SCUBE2: variants seen among roughly 807,000 people sequenced by gnomAD.
The protein encoded by SCUBE2 is signal peptide, CUB domain and EGF like domain containing 2.
Under a neutral mutation model 125.9 loss-of-function variants are expected in SCUBE2, and 114 were observed. The observed-to-expected ratio is 0.91, with a 90% CI of 0.78 to 1.06. The LOEUF (loss-of-function observed/expected upper bound fraction) is 1.06, where lower values mean the gene tolerates loss of function less well. Ranked by LOEUF, SCUBE2 falls within the 50% of genes least tolerant of loss-of-function variation. The pLI is 0.00. For missense variants in SCUBE2, 1,255 were observed against 1,301.8 expected, an observed-to-expected ratio of 0.96 and a Z score of 0.55; for synonymous variants, 459 against 492.9, an observed-to-expected ratio of 0.93 and a Z score of 0.91.
rs1857655481 is a variant in SCUBE2, at chr11:9,045,650, C to CTGCCT, written c.2002+1705_2002+1706insAGGCA. 2.0e-5 allele frequency among the ~76,000 whole-genome samples: 3 copies of CTGCCT among 146,888 alleles called. No individual in the cohort carries two copies. In the South Asian group the frequency reaches 6.8e-4, roughly 33 times the overall value. Reference sequence around the variant, plus strand: ...ACACACACACACACACACACACACACACACAGCCTTGTCTATGCCACATGC... The same window carrying CTGCCT: ...ACACACACACACACACACACACACACTGCCTACACAGCCTTGTCTATGCCACATGC... On this transcript the variant is annotated intron_variant, in intron 16 of 22. Coordinates refer to ENST00000649792, the MANE Select transcript of SCUBE2 (RefSeq NM_001367977.2).
At position 9,083,473 on chromosome 11, in the gene SCUBE2, A is replaced by C. The variant is rs75941286; in HGVS notation, c.257-3964T>G. ...TCCCGTGTATTAGGACTGAACAAAGAGGTAAACACATTACAGATAATGAGC... is the reference window on the plus strand; with the variant it reads ...TCCCGTGTATTAGGACTGAACAAAGCGGTAAACACATTACAGATAATGAGC... On this transcript the variant is annotated intron_variant, in intron 2 of 22. Transcript: ENST00000649792. Among the ~76,000 whole-genome samples the C allele has an allele frequency of 6.3e-3, 965 of 152,320 alleles. 7 individuals carry two copies. Among genetic ancestry groups the C allele is most frequent in the African/African-American group, 0.022 (917 of 41,562 alleles).
chr11:9,033,719 C>T lies in SCUBE2; in HGVS notation c.2080G>A (p.Glu694Lys), dbSNP rs1856515594. 3 of 1,614,126 alleles carry T rather than the reference C, an allele frequency of 1.9e-6. No homozygotes were observed. The highest frequency in any genetic ancestry group is 4.5e-5 in the East Asian group (2 of 44,882). The change falls in exon 17 of 23, where the codon GAG (glutamate) becomes AAG (lysine). Residue 694 changes from glutamate (E) to lysine (K), a missense_variant. Physicochemically the swap from Glu to Lys is moderately conservative, Grantham distance 56. Around this residue, in one of 3 missense-constraint regions of SCUBE2, gnomAD observed 515 missense variants for 515.7 expected, o/e 1.00. Coordinates refer to ENST00000649792, the MANE Select transcript of SCUBE2 (RefSeq NM_001367977.2). The stretch of plus-strand genomic sequence containing the variant: ...GGTTCACAAGTCATTTGTCCTTCCT[C>T]ATTTTGGAAGGTTCCATTTGGACAT... ...ILCPNGTFQNEEGQMTCEPCP... is the reference protein window; with the variant it reads ...ILCPNGTFQNKEGQMTCEPCP...
chr11:9,048,119 A>G, intron 14 of SCUBE2, 21 bp from the exon 15 acceptor site: 1 of 1,593,100 alleles, frequency 6.3e-7, no homozygotes, highest in African/African-American at 1.4e-5. Context: ...AAACAAAATT[A>G]TCGGAAGCCA....
intron 14 of SCUBE2, 111 bp downstream of exon 14, chr11:9,050,495 T>C (rs779139184): frequency 7.7e-6 from 6 of 783,994 alleles, no homozygotes; most frequent in Non-Finnish European, 1.3e-5. Context: ...ATCTGCAGTG[T>C]GCTTGGATCG....
chr11:9,022,925 A>G (rs1178980369), intron 21 of SCUBE2, among the ~76,000 whole-genome samples: 4 of 152,100 alleles, frequency 2.6e-5, no homozygotes, highest in African/African-American at 9.7e-5. Flanking sequence ...ATCCACCAAG[A>G]AAGACTCTTC....
chr11:9,078,159 C>T (rs1322852323), intron 3 of SCUBE2, among the ~76,000 whole-genome samples: 2 of 152,220 alleles, frequency 1.3e-5, no homozygotes, highest in Non-Finnish European at 2.9e-5. Flanking sequence ...TTCCATTTGT[C>T]TGAGTTTTTA....
intron 4 of SCUBE2, among the ~76,000 whole-genome samples, chr11:9,070,002 T>C (rs979943100): frequency 6.6e-6 from 1 of 152,186 alleles, no homozygotes; most frequent in African/African-American, 2.4e-5. Flanking sequence ...GACTGTGGCA[T>C]TTTGGCATCC....
At position 9,086,849 on chromosome 11, in the gene SCUBE2, T is replaced by A. The variant is rs1862113409; in HGVS notation, c.256+2858A>T. ...GCCTGGGTGACAGAGCAAGACTCTA[T>A]CTCAAAAAAAAAAAAAAAAAAAAAG... On this transcript the variant is annotated intron_variant, in intron 2 of 22. Transcript: ENST00000649792. Among the ~76,000 whole-genome samples the A allele has an allele frequency of 1.7e-4, 8 of 46,916 alleles. No individual in the cohort carries two copies. In the Admixed American group the frequency reaches 2.0e-3, roughly 12 times the overall value. The allele number at this position is 46,916 out of a possible 152,430, so 30.8% of individuals were successfully genotyped here.
In SCUBE2 at chr11:9,089,711, A is replaced by T. The variant is rs1298803441; in HGVS notation, c.252T>A (p.Cys84Ter). 6.2e-7 allele frequency: 1 copy of T among 1,613,620 alleles called. No homozygotes were observed. The highest frequency in any genetic ancestry group is 8.5e-7 in the Non-Finnish European group (1 of 1,179,722). The change falls in exon 2 of 23, where the codon TGT becomes TGA. Residue 84 changes from cysteine (C) to a stop codon, truncating the protein, a stop_gained. Coordinates refer to ENST00000649792, the MANE Select transcript of SCUBE2 (RefSeq NM_001367977.2). LOFTEE classifies it high-confidence loss of function. ...KPGYQGEGRQ[C>*]EDIDECGNEL... ...CATGGTCCCCAAGGCACTTACCCTCACACTGCCTGCCTTCCCCTTGGTAGC... is the reference window on the plus strand; with the variant it reads ...CATGGTCCCCAAGGCACTTACCCTCTCACTGCCTGCCTTCCCCTTGGTAGC...
intron 13 of SCUBE2, among the ~76,000 whole-genome samples, chr11:9,051,287 T>C (rs888285753): frequency 1.3e-5 from 2 of 152,076 alleles, no homozygotes; most frequent in South Asian, 4.1e-4. Flanking sequence ...AAACTGAGGG[T>C]CAAAAATAGC....
chr11:9,089,923 C>G, intron 1 of SCUBE2, 94 bp from the exon 2 acceptor site: 1 of 1,456,308 alleles, frequency 6.9e-7, no homozygotes, highest in Non-Finnish European at 9.2e-7. Context: ...CCAGCCCACC[C>G]CGCTTCACTC....
intron 16 of SCUBE2, among the ~76,000 whole-genome samples, chr11:9,037,953 T>G (rs1204153896): frequency 4.6e-5 from 7 of 152,208 alleles, no homozygotes; most frequent in African/African-American, 1.7e-4. Flanking sequence ...AATTTAAATA[T>G]TTCTCCAAAG....
intron 7 of SCUBE2, among the ~76,000 whole-genome samples, chr11:9,063,085 C>CAA (rs575154426): frequency 9.0e-5 from 13 of 145,036 alleles, no homozygotes; most frequent in African/African-American, 2.8e-4. Context: ...ACTAAAAATA[C>CAA]AAAAAAAAAA....
intron 2 of SCUBE2, among the ~76,000 whole-genome samples, chr11:9,082,738 A>G (rs1172165813): frequency 6.6e-6 from 1 of 152,248 alleles, no homozygotes. Flanking sequence ...CGCATATTGT[A>G]TGATTCCACT....
In SCUBE2 at chr11:9,066,739, G is replaced by A. The variant is rs768167641; in HGVS notation, c.718C>T (p.His240Tyr). The A allele has an allele frequency of 2.9e-5, 47 of 1,614,160 alleles. No homozygotes were observed. Among genetic ancestry groups the A allele is most frequent in the Non-Finnish European group, 3.6e-5 (43 of 1,180,006 alleles). ...TCTGTGTGCATCTTGTACTGTGGAT[G>A]GCAGCTGCACTCTGGGCCATCGGCT... is the stretch of plus-strand genomic sequence containing the variant. The part of the protein sequence containing the change: ...DTADGPECSC[H>Y]PQYKMHTDGR... The change falls in exon 6 of 23, where the codon CAT becomes TAT. Residue 240 changes from histidine to tyrosine, a missense_variant. By Grantham distance (83) the His-to-Tyr change is moderately conservative. Transcript: ENST00000649792.
At chr11:9,028,098 C>T (rs909783806) in intron 19 of SCUBE2, among the ~76,000 whole-genome samples, 1 of 152,186 alleles carries the variant, frequency 6.6e-6, no homozygotes, top group African/African-American at 2.4e-5. Context: ...GTTGCCCAGG[C>T]TGGAGTGCAG....
chr11:9,054,725 A>ATATATAGATATATAT (rs1368153935), intron 10 of SCUBE2, among the ~76,000 whole-genome samples: 1 of 22,344 alleles, frequency 4.5e-5, no homozygotes, highest in Non-Finnish European at 7.1e-5. Context: ...ATATATATAT[A>ATATATAGATATATAT]TTTTTTTTTT....
intron 19 of SCUBE2, among the ~76,000 whole-genome samples, chr11:9,029,164 G>T (rs1856050130): frequency 6.6e-6 from 1 of 151,940 alleles, no homozygotes; most frequent in Admixed American, 6.6e-5. Context: ...ATAAATAGTG[G>T]CTTTAAAAAA....
intron 10 of SCUBE2, among the ~76,000 whole-genome samples, chr11:9,054,962 G>A (rs939620830): frequency 7.9e-5 from 12 of 151,300 alleles, no homozygotes; most frequent in Non-Finnish European, 1.3e-4. Context: ...TCGAACTCCC[G>A]ACCTCAGGTG....
Sources: allele counts gnomAD v4.1 joint callset (sites outside exome capture counted in the v4.1 genomes callset), GRCh38; gene constraint gnomAD v4.1.1; regional missense constraint gnomAD v4.1.1; transcripts MANE v1.5; gene names NCBI Gene and HGNC (gene_info 2026-07-23, HGNC 2026-07-21).